The following ZZZ3 variants were observed in gnomAD, a reference collection of about 807,000 sequenced individuals.
ZZZ3 encodes ZZ-type zinc finger-containing protein 3.
A neutral mutation model predicts 95.2 loss-of-function variants in ZZZ3; 22 were observed. The observed-to-expected ratio is 0.23, with a 90% CI of 0.17 to 0.33. ZZZ3 has a LOEUF of 0.33. Ranked by LOEUF, ZZZ3 falls within the 10% of genes least tolerant of loss-of-function variation. The pLI is 1.00. For synonymous variants in ZZZ3, 335 were observed against 358.9 expected (o/e 0.93, Z 0.75); for missense variants, 885 against 1,066.5 (o/e 0.83, Z 2.37).
At chr1:77,566,586 G>A (rs1010456240) in intron 13 of ZZZ3, among the ~76,000 whole-genome samples, 1 of 152,156 alleles carries the variant, frequency 6.6e-6, no homozygotes, top group Non-Finnish European at 1.5e-5. Context: ...CCAAATACTG[G>A]TTAAGGAAGC....
In ZZZ3 at chr1:77,673,792, G is replaced by T. The variant is rs142268258; in HGVS notation, c.-403+8793C>A. Among the ~76,000 whole-genome samples, 222 of 152,062 alleles carry T rather than the reference G, an allele frequency of 1.5e-3. 2 individuals are homozygous for T. Among genetic ancestry groups the T allele is most frequent in the African/African-American group, 5.1e-3 (212 of 41,464 alleles). On this transcript the variant is annotated intron_variant, in intron 1 of 14. Transcript: ENST00000370801. ...TGTTAAGTATTTTGAAAGTAAAGTG[G>T]CTTAAACTTAAATTGGAATCTTTTT... is the stretch of plus-strand genomic sequence containing the variant.
At chr1:77,617,941 T>C (rs998771809) in intron 5 of ZZZ3, among the ~76,000 whole-genome samples, 3 of 152,076 alleles carry the variant, frequency 2.0e-5, no homozygotes, top group African/African-American at 4.8e-5. Context: ...CAAAACTCCA[T>C]CTCAAAAAAT....
chr1:77,624,874 G>C (rs1459615039), intron 5 of ZZZ3, among the ~76,000 whole-genome samples: 2 of 152,152 alleles, frequency 1.3e-5, no homozygotes, highest in Non-Finnish European at 2.9e-5. Context: ...TGTGGGGTCT[G>C]CACTAACTCC....
At chr1:77,570,269 A>AT (rs1456044577) in intron 12 of ZZZ3, among the ~76,000 whole-genome samples, 1 of 151,924 alleles carries the variant, frequency 6.6e-6, no homozygotes, top group East Asian at 1.9e-4. Context: ...CACCCAGCTA[A>AT]TTTTTTTGTA....
intron 1 of ZZZ3, among the ~76,000 whole-genome samples, chr1:77,677,471 AC>A (rs1389704050): frequency 6.6e-6 from 1 of 152,154 alleles, no homozygotes; most frequent in African/African-American, 2.4e-5. Context: ...TATGTCATAC[AC>A]CCCCATTAAA....
At position 77,608,492 on chromosome 1, in the gene ZZZ3, G is replaced by C. The variant is rs142728838; in HGVS notation, c.1505+23358C>G. ...CATCAACATCAGACCTGTCCTACAA[G>C]AAATGCTAAAGGAAGTACTTCAATC... is the stretch of plus-strand genomic sequence containing the variant. On this transcript the variant is annotated intron_variant, in intron 5 of 14. Coordinates refer to ENST00000370801, the MANE Select transcript of ZZZ3 (RefSeq NM_015534.6). Among the ~76,000 whole-genome samples the C allele has an allele frequency of 3.4e-4, 52 of 152,230 alleles. 4 individuals carry two copies. The highest frequency in any genetic ancestry group is 1.2e-3 in the African/African-American group (51 of 41,548).
chr1:77,668,021 C>T (rs1377674967), intron 1 of ZZZ3, among the ~76,000 whole-genome samples: 2 of 152,068 alleles, frequency 1.3e-5, no homozygotes, highest in Non-Finnish European at 2.9e-5. Context: ...CCCACCTCAG[C>T]CTCCCAAAGT....
chr1:77,674,227 T>G (rs1162327718), intron 1 of ZZZ3, among the ~76,000 whole-genome samples: 1 of 152,168 alleles, frequency 6.6e-6, no homozygotes, highest in Non-Finnish European at 1.5e-5. Flanking sequence ...GTCTAAGTGT[T>G]GAGATCTCAA....
At chr1:77,617,639 C>T (rs572091438) in intron 5 of ZZZ3, among the ~76,000 whole-genome samples, 69 of 151,930 alleles carry the variant, frequency 4.5e-4, no homozygotes, top group Non-Finnish European at 7.9e-4. Context: ...GAGTATACAT[C>T]TAAAAGTGGA....
At chr1:77,591,871 A>T (rs1663732035) in intron 5 of ZZZ3, among the ~76,000 whole-genome samples, 1 of 152,214 alleles carries the variant, frequency 6.6e-6, no homozygotes, top group African/African-American at 2.4e-5. Flanking sequence ...CCCAAAATCT[A>T]AGTGAAAGAA....
At chr1:77,648,822 G>A (rs192471667) in intron 1 of ZZZ3, among the ~76,000 whole-genome samples, 10 of 152,182 alleles carry the variant, frequency 6.6e-5, no homozygotes, top group Non-Finnish European at 1.2e-4. Context: ...TGGAAATGAC[G>A]AATTCACAGA....
In ZZZ3 at chr1:77,584,665, CAAAG is replaced by C; in HGVS notation, c.1506-14_1506-11del. ...TAATAGTCTCTGATAACTACAGAGA[CAAAG>C]AAAAATATTTCACAAAAATTTTCTA... On this transcript the variant is annotated splice_polypyrimidine_tract_variant and intron_variant, in intron 5 of 14. Transcript: ENST00000370801. The C allele has an allele frequency of 1.3e-6, 2 of 1,534,958 alleles. No individual in the cohort carries two copies. The highest frequency in any genetic ancestry group is 1.7e-6 in the Non-Finnish European group (2 of 1,147,702).
chr1:77,622,125 C>T (rs1225700161), intron 5 of ZZZ3, among the ~76,000 whole-genome samples: 1 of 142,686 alleles, frequency 7.0e-6, no homozygotes, highest in African/African-American at 2.6e-5. Flanking sequence ...CATAATGAGG[C>T]CTTGTCTCCA....
intron 6 of ZZZ3, among the ~76,000 whole-genome samples, chr1:77,583,531 TA>T: frequency 6.6e-6 from 1 of 152,184 alleles, no homozygotes; most frequent in Non-Finnish European, 1.5e-5. Flanking sequence ...CAATGTTTTC[TA>T]AAAGCATGAA....
chr1:77,658,514 G>A (rs1174460726), intron 1 of ZZZ3, among the ~76,000 whole-genome samples: 1 of 86,600 alleles, frequency 1.2e-5, no homozygotes, highest in East Asian at 2.4e-4. Context: ...CCACATCCTG[G>A]CTTTTTTTTT....
chr1:77,597,062 G>A (rs983531718), intron 5 of ZZZ3, among the ~76,000 whole-genome samples: 6 of 152,002 alleles, frequency 3.9e-5, no homozygotes, highest in East Asian at 1.9e-4. Flanking sequence ...ACAGATGGCC[G>A]ATTCTAGAAC....
Position 77,576,239 on chromosome 1 carries a change from T to C in ZZZ3, c.2179-19A>G. The C allele has an allele frequency of 1.3e-6, 2 of 1,555,880 alleles. No homozygotes were observed. Among genetic ancestry groups the C allele is most frequent in the Non-Finnish European group, 1.7e-6 (2 of 1,155,872 alleles). ...TTGAAGACTAAGTAAGAAAACAAAT[T>C]TTTAATTGGTTCAGTGAAAAATCAT... On this transcript the variant is annotated intron_variant, in intron 11 of 14. Transcript: ENST00000370801.
intron 5 of ZZZ3, among the ~76,000 whole-genome samples, chr1:77,607,720 G>A (rs1001201999): frequency 1.2e-4 from 19 of 152,136 alleles, no homozygotes; most frequent in Admixed American, 2.6e-4. Flanking sequence ...TCAGGAGTTC[G>A]AGACCAGCCT....
At chr1:77,674,100 C>CA (rs1207823169) in intron 1 of ZZZ3, among the ~76,000 whole-genome samples, 2 of 149,288 alleles carry the variant, frequency 1.3e-5, no homozygotes, top group African/African-American at 4.9e-5. Context: ...CAATAAAACA[C>CA]AAAAAAGGTC....
Sources: gnomAD v4.1 joint callset for allele counts (sites outside exome capture counted in the v4.1 genomes callset) on GRCh38, gnomAD v4.1.1 for gene constraint, MANE v1.5 for transcripts, NCBI Gene and HGNC (gene_info 2026-07-23, HGNC 2026-07-21) for gene names.